The following ENOX1 variants were observed in gnomAD, a reference collection of about 807,000 sequenced individuals.
The protein encoded by ENOX1 is candidate growth-related and time keeping constitutive hydroquinone (NADH) oxidase.
Under a neutral mutation model 82.5 loss-of-function variants are expected in ENOX1, and 42 were observed. That is an observed-to-expected ratio of 0.51 (90% CI 0.40 to 0.66). The LOEUF is 0.66. Ranked by LOEUF, ENOX1 falls within the 30% of genes least tolerant of loss-of-function variation. The pLI, the probability that ENOX1 is intolerant of heterozygous loss-of-function variation, is 0.00. For missense variants in ENOX1, 608 were observed against 811.6 expected, an observed-to-expected ratio of 0.75 and a Z score of 3.05; for synonymous variants, 271 against 282.2, an observed-to-expected ratio of 0.96 and a Z score of 0.40.
chr13:43,700,403 A>G (rs1417791558), intron 1 of ENOX1, among the ~76,000 whole-genome samples: 1 of 152,160 alleles, frequency 6.6e-6, no homozygotes, highest in Non-Finnish European at 1.5e-5. Flanking sequence ...CGCTTTATAC[A>G]TTATAGTTCA....
chr13:43,743,617 A>T (rs899570041), intron 1 of ENOX1, among the ~76,000 whole-genome samples: 1 of 152,188 alleles, frequency 6.6e-6, no homozygotes, highest in Admixed American at 6.6e-5. Flanking sequence ...AAGAGACTTG[A>T]TCTTCCTCCC....
In ENOX1 at chr13:43,774,634, A is replaced by G. The variant is rs572151659; in HGVS notation, c.-285+12018T>C. 3.3e-5 allele frequency among the ~76,000 whole-genome samples: 5 copies of G among 152,212 alleles called. No homozygotes were observed. The East Asian group carries it at 9.6e-4, about 29-fold the overall frequency. On this transcript the variant is annotated intron_variant, in intron 1 of 16. Transcript: ENST00000690772. ...TTCACTCAGAGCCACCTAATCCACA[A>G]TCCTCCCGCCCAGCACTCACCACTT...
At chr13:43,470,341 C>T (rs991813309) in intron 3 of ENOX1, among the ~76,000 whole-genome samples, 109 of 8,008 alleles carry the variant, frequency 0.014, 1 homozygote, top group Non-Finnish European at 0.026. Context: ...TATATATATA[C>T]GTATATATAT....
chr13:43,577,997 G>A (rs2080520984), intron 2 of ENOX1, among the ~76,000 whole-genome samples: 1 of 151,946 alleles, frequency 6.6e-6, no homozygotes, highest in South Asian at 2.1e-4. Flanking sequence ...AAAAAAAGGA[G>A]AATGGGATCC....
chr13:43,674,935 A>G (rs949661468), intron 1 of ENOX1, among the ~76,000 whole-genome samples: 1 of 152,162 alleles, frequency 6.6e-6, no homozygotes, highest in Non-Finnish European at 1.5e-5. Flanking sequence ...TTAAAGTATA[A>G]AAGAATGTGG....
intron 1 of ENOX1, among the ~76,000 whole-genome samples, chr13:43,670,977 G>A (rs540590651): frequency 1.2e-4 from 19 of 152,248 alleles, no homozygotes; most frequent in African/African-American, 4.1e-4. Flanking sequence ...ATCTGGCTCT[G>A]TGTCCCTACC....
At chr13:43,567,964 T>C (rs1211568426) in intron 2 of ENOX1, among the ~76,000 whole-genome samples, 1 of 152,214 alleles carries the variant, frequency 6.6e-6, no homozygotes, top group Non-Finnish European at 1.5e-5. Context: ...ACAGCTTGTT[T>C]GGGTTTTAAA....
chr13:43,626,574 A>G (rs913340045), intron 2 of ENOX1, among the ~76,000 whole-genome samples: 1 of 151,864 alleles, frequency 6.6e-6, no homozygotes, highest in African/African-American at 2.4e-5. Context: ...CTAAAAGTAT[A>G]TTATTTAGTT....
At chr13:43,663,869 T>C (rs759939608) in intron 2 of ENOX1, among the ~76,000 whole-genome samples, 10 of 152,154 alleles carry the variant, frequency 6.6e-5, no homozygotes, top group Non-Finnish European at 1.3e-4. Flanking sequence ...AGCTTCTGAG[T>C]TCCCTGCCAA....
At chr13:43,430,714 A>G (rs1156564201) in intron 3 of ENOX1, among the ~76,000 whole-genome samples, 9 of 152,240 alleles carry the variant, frequency 5.9e-5, no homozygotes, top group Non-Finnish European at 1.3e-4. Flanking sequence ...TATTCAGTAA[A>G]TGATACCAAG....
At chr13:43,646,912 T>C (rs1195621712) in intron 2 of ENOX1, among the ~76,000 whole-genome samples, 1 of 152,264 alleles carries the variant, frequency 6.6e-6, no homozygotes, top group Non-Finnish European at 1.5e-5. Context: ...AAATTTCTAT[T>C]TTCTCTTCAC....
intron 9 of ENOX1, among the ~76,000 whole-genome samples, chr13:43,335,577 C>G (rs1198757051): frequency 1.3e-5 from 2 of 152,176 alleles, no homozygotes; most frequent in African/African-American, 4.8e-5. Context: ...GAGTTTTCAT[C>G]TTTAGCTCCC....
chr13:43,422,628 GAA>G (rs2153607788), intron 3 of ENOX1, among the ~76,000 whole-genome samples: 1 of 152,240 alleles, frequency 6.6e-6, no homozygotes, highest in Non-Finnish European at 1.5e-5. Context: ...TATATTGAGA[GAA>G]AGAGACAGAA....
intron 6 of ENOX1, among the ~76,000 whole-genome samples, chr13:43,360,742 C>T (rs2050450012): frequency 6.7e-6 from 1 of 149,400 alleles, no homozygotes; most frequent in South Asian, 2.1e-4. Context: ...GCTCTTTTAG[C>T]CCATAAACTT....
At chr13:43,524,325 C>A (rs1359694184) in intron 2 of ENOX1, among the ~76,000 whole-genome samples, 1 of 152,130 alleles carries the variant, frequency 6.6e-6, no homozygotes, top group Non-Finnish European at 1.5e-5. Flanking sequence ...GTCCAAGCTC[C>A]TGCTCCACAC....
At chr13:43,664,032 T>G (rs1183269704) in intron 2 of ENOX1, among the ~76,000 whole-genome samples, 1 of 152,174 alleles carries the variant, frequency 6.6e-6, no homozygotes, top group East Asian at 1.9e-4. Flanking sequence ...TTAACTGATT[T>G]GTGTACAAAA....
At chr13:43,770,686 TACACACACACACACACACAC>T (rs149111203) in intron 1 of ENOX1, among the ~76,000 whole-genome samples, 1 of 146,140 alleles carries the variant, frequency 6.8e-6, no homozygotes, top group African/African-American at 2.5e-5. Context: ...TACGTATGTG[TACACACACACACACACACAC>T]ACACACACAC....
chr13:43,716,110 G>A (rs566032268), intron 1 of ENOX1, among the ~76,000 whole-genome samples: 20 of 152,322 alleles, frequency 1.3e-4, no homozygotes, highest in South Asian at 6.2e-4. Flanking sequence ...GAGGAGCTGC[G>A]TTCCTTTGAA....
intron 2 of ENOX1, among the ~76,000 whole-genome samples, chr13:43,661,305 T>C (rs934637390): frequency 6.6e-6 from 1 of 152,196 alleles, no homozygotes; most frequent in African/African-American, 2.4e-5. Context: ...TGATGCAGAA[T>C]ACTGTGCGCG....
Sources: allele counts gnomAD v4.1 joint callset (sites outside exome capture counted in the v4.1 genomes callset), GRCh38; gene constraint gnomAD v4.1.1; transcripts MANE v1.5; gene names NCBI Gene and HGNC (gene_info 2026-07-23, HGNC 2026-07-21).